The following GRID1 variants were observed in gnomAD, a reference collection of about 807,000 sequenced individuals.
The protein encoded by GRID1 is glutamate ionotropic receptor delta type subunit 1, also known as glutamate receptor ionotropic, delta-1.
Under a neutral mutation model 98.0 loss-of-function variants are expected in GRID1, and 28 were observed. The ratio of observed to expected loss-of-function variants is 0.29; its 90% CI spans 0.21 to 0.39. GRID1 has a LOEUF of 0.39. Ranked by LOEUF, GRID1 falls within the 10% of genes least tolerant of loss-of-function variation. GRID1 has a pLI of 1.00. For synonymous variants in GRID1, 553 were observed against 538.5 expected (o/e 1.03, Z -0.37); for missense variants, 1,111 against 1,340.5 (o/e 0.83, Z 2.67).
At chr10:85,731,200 T>C (rs2132660282) in intron 8 of GRID1, among the ~76,000 whole-genome samples, 1 of 151,680 alleles carries the variant, frequency 6.6e-6, no homozygotes, top group East Asian at 1.9e-4. Context: ...CTAGAGTCAG[T>C]TTTAAAGAAA....
chr10:86,116,310 T>C (rs1429883578), intron 4 of GRID1, among the ~76,000 whole-genome samples: 1 of 152,164 alleles, frequency 6.6e-6, no homozygotes, highest in African/African-American at 2.4e-5. Context: ...CTGGAAAACA[T>C]TGAGCCTGGA....
At chr10:85,995,290 C>T (rs1367886420) in intron 4 of GRID1, among the ~76,000 whole-genome samples, 2 of 152,176 alleles carry the variant, frequency 1.3e-5, no homozygotes, top group Admixed American at 1.3e-4. Context: ...GAGCAAGTGT[C>T]CTAAGAGAAT....
intron 8 of GRID1, among the ~76,000 whole-genome samples, chr10:85,767,632 G>C (rs550212587): frequency 6.6e-6 from 1 of 152,150 alleles, no homozygotes; most frequent in Non-Finnish European, 1.5e-5. Context: ...AGATGGAAAA[G>C]GGGCAAGGAG....
At chr10:86,353,341 C>A (rs926906639) in intron 2 of GRID1, among the ~76,000 whole-genome samples, 2 of 152,250 alleles carry the variant, frequency 1.3e-5, no homozygotes, top group Non-Finnish European at 2.9e-5. Context: ...TGAGCAGCAG[C>A]TGGAAGTCTT....
intron 12 of GRID1, among the ~76,000 whole-genome samples, chr10:85,654,175 G>A (rs1278942841): frequency 6.6e-6 from 1 of 152,116 alleles, no homozygotes; most frequent in Admixed American, 6.5e-5. Flanking sequence ...GCCTCGGAGG[G>A]CCAGCTGAGG....
At chr10:85,942,612 G>A (rs1299197801) in intron 4 of GRID1, among the ~76,000 whole-genome samples, 1 of 152,202 alleles carries the variant, frequency 6.6e-6, no homozygotes, top group Non-Finnish European at 1.5e-5. Flanking sequence ...CGTGTTCAAG[G>A]TTTAAGACAT....
At chr10:86,137,639 C>T (rs1269376982) in intron 4 of GRID1, among the ~76,000 whole-genome samples, 1 of 152,208 alleles carries the variant, frequency 6.6e-6, no homozygotes, top group East Asian at 1.9e-4. Flanking sequence ...TGCTGCTAAT[C>T]CCAGGCTGTC....
At chr10:85,739,157 A>AAC (rs777345708) in intron 8 of GRID1, among the ~76,000 whole-genome samples, 2 of 151,852 alleles carry the variant, frequency 1.3e-5, no homozygotes, top group Admixed American at 1.3e-4. Flanking sequence ...CATACACACA[A>AAC]ACACACACAC....
rs576550670 is a variant in GRID1, at chr10:86,366,780, C to G, written c.-388G>C. 9.2e-3 allele frequency among the ~76,000 whole-genome samples: 1,380 copies of G among 150,558 alleles called. 14 individuals are homozygous for G. The highest frequency in any genetic ancestry group is 0.023 in the South Asian group (109 of 4,802). ...CTGGGCTGGCTGTGTGTCTGAGCCC[C>G]GGCGAGGAGCGAACTGCGGAGGACG... On this transcript the variant is annotated 5_prime_UTR_variant, in exon 1 of 16. Transcript: ENST00000327946. This position sits in a 1 kb window ranked among gnomAD's most constrained non-coding sequence, Gnocchi z 4.1.
At chr10:86,028,363 A>C (rs1843142976) in intron 4 of GRID1, among the ~76,000 whole-genome samples, 1 of 152,172 alleles carries the variant, frequency 6.6e-6, no homozygotes, top group Admixed American at 6.5e-5. Context: ...CTATGGAATT[A>C]AGGTCCCAGG....
intron 4 of GRID1, among the ~76,000 whole-genome samples, chr10:86,103,626 G>A (rs1042524301): frequency 1.3e-5 from 2 of 152,236 alleles, no homozygotes; most frequent in Admixed American, 6.5e-5. Context: ...TGCCTTCTTA[G>A]GGGACAGGAA....
At chr10:86,012,770 A>C (rs750978825) in intron 4 of GRID1, among the ~76,000 whole-genome samples, 13 of 152,238 alleles carry the variant, frequency 8.5e-5, no homozygotes, top group Non-Finnish European at 7.3e-5. Flanking sequence ...AATGCCTTCT[A>C]TGAACCAAGA....
intron 8 of GRID1, among the ~76,000 whole-genome samples, chr10:85,731,923 A>G (rs180677319): frequency 0.023 from 2,914 of 124,546 alleles, 99 homozygotes; most frequent in African/African-American, 0.094. Context: ...GAAAGAAAGA[A>G]AGAGAGAGAG....
At chr10:85,838,443 T>C (rs1842931254) in intron 8 of GRID1, among the ~76,000 whole-genome samples, 2 of 152,082 alleles carry the variant, frequency 1.3e-5, no homozygotes, top group Non-Finnish European at 2.9e-5. Flanking sequence ...GGGAAGCTCA[T>C]CAAACTAACT....
intron 4 of GRID1, among the ~76,000 whole-genome samples, chr10:85,924,219 C>T (rs927736173): frequency 1.1e-4 from 17 of 152,240 alleles, no homozygotes; most frequent in African/African-American, 3.9e-4. Flanking sequence ...GTGGCCTTTG[C>T]TTTGCATGGT....
intron 4 of GRID1, among the ~76,000 whole-genome samples, chr10:86,133,609 A>C (rs534192559): frequency 1.3e-4 from 20 of 152,362 alleles, no homozygotes; most frequent in African/African-American, 4.3e-4. Context: ...TACCAGCCAA[A>C]CAGGCAACCA....
intron 10 of GRID1, among the ~76,000 whole-genome samples, chr10:85,727,103 C>G (rs964954181): frequency 6.6e-6 from 1 of 152,120 alleles, no homozygotes; most frequent in Admixed American, 6.5e-5. Context: ...ATGTAAGATG[C>G]TAACAAGATG....
At chr10:86,085,114 C>T (rs932069804) in intron 4 of GRID1, among the ~76,000 whole-genome samples, 2 of 152,148 alleles carry the variant, frequency 1.3e-5, no homozygotes, top group African/African-American at 4.8e-5. Context: ...GGAAGAAACC[C>T]CCGTGATAAG....
chr10:85,765,646 A>C (rs1842191067), intron 8 of GRID1, among the ~76,000 whole-genome samples: 1 of 152,216 alleles, frequency 6.6e-6, no homozygotes. Context: ...AATGAATCTC[A>C]TGTTTAGACT....
Sources: allele counts gnomAD v4.1 joint callset (sites outside exome capture counted in the v4.1 genomes callset), GRCh38; gene constraint gnomAD v4.1.1; non-coding constraint Gnocchi (gnomAD v3.1); transcripts MANE v1.5; gene names NCBI Gene and HGNC (gene_info 2026-07-23, HGNC 2026-07-21).